The following AZIN1 variants were observed in gnomAD, a reference collection of about 807,000 sequenced individuals.
The protein encoded by AZIN1 is antizyme inhibitor 1.
AZIN1 carries 12 observed loss-of-function variants against 47.4 expected under a neutral mutation model. That is an observed-to-expected ratio of 0.25 (90% confidence interval 0.16 to 0.41). The LOEUF is 0.41. Among genes scored for constraint, AZIN1 ranks in the 10% least tolerant of loss-of-function variants. The pLI, the probability that AZIN1 is intolerant of heterozygous loss-of-function variation, is 1.00. For synonymous variants in AZIN1, 155 were observed against 176.3 expected, an observed-to-expected ratio of 0.88 and a Z score of 0.96; for missense variants, 410 against 532.4, an observed-to-expected ratio of 0.77 and a Z score of 2.26.
At chr8:102,834,308 T>C (rs1186864848) in intron 7 of AZIN1, 45 bp from the exon 8 acceptor site, 2 of 1,497,812 alleles carry the variant, frequency 1.3e-6, no homozygotes, top group Non-Finnish European at 1.8e-6. Context: ...CAAATTGTAA[T>C]GGATATGAGA....
chr8:102,853,405 G>C (rs1813051974), intron 2 of AZIN1, among the ~76,000 whole-genome samples: 1 of 152,212 alleles, frequency 6.6e-6, no homozygotes, highest in African/African-American at 2.4e-5. Flanking sequence ...AGGACGCTGA[G>C]GCAGGAGAAT....
At chr8:102,831,996 C>T (rs1811493592) in intron 9 of AZIN1, among the ~76,000 whole-genome samples, 1 of 152,106 alleles carries the variant, frequency 6.6e-6, no homozygotes, top group Non-Finnish European at 1.5e-5. Context: ...TATCATGTGC[C>T]TCCTAACATG....
rs1279624922 is a variant in AZIN1, at chr8:102,841,798, ATAT to A, written c.102+1750_102+1752del. Among the ~76,000 whole-genome samples, 6 of 106,658 alleles carry A rather than the reference ATAT, an allele frequency of 5.6e-5. 1 individual carries two copies. The highest frequency in any genetic ancestry group is 1.2e-4 in the Non-Finnish European group (6 of 51,572). The allele number at this position is 106,658 out of a possible 152,430, so 70.0% of individuals were successfully genotyped here. A position where few individuals can be genotyped will look rare whatever the true frequency, so the allele number is the denominator to read the frequency against. On this transcript the variant is annotated intron_variant, in intron 3 of 11. Coordinates refer to ENST00000337198, the MANE Select transcript of AZIN1 (RefSeq NM_148174.4). ...ATTGTATCAGTTAAGTCTAATATAT[ATAT>A]ATATAAAAAAAAAAAAAAAAAAGAC...
At position 102,839,738 on chromosome 8, in the gene AZIN1, T is replaced by C; in HGVS notation, c.188A>G (p.Lys63Arg). Residue 63 changes from lysine (K) to arginine (R), a missense_variant, in exon 4 of 12, where the codon AAG (lysine) becomes AGG (arginine). This residue lies in a region of AZIN1 where 237 missense variants were observed against 309.4 expected (regional missense o/e 0.77). Transcript: ENST00000337198. ...GTTGCACTTCACTGTGTAGAATGGC[T>C]TTATCTGAGCCACTACATTCTGCCA... The part of the protein sequence containing the change: ...SQWQNVVAQI[K>R]PFYTVKCNSA... The C allele has an allele frequency of 6.2e-7, 1 of 1,610,286 alleles. No homozygotes were observed. Among genetic ancestry groups the C allele is most frequent in the Non-Finnish European group, 8.5e-7 (1 of 1,177,992 alleles).
chr8:102,836,642 G>C, intron 5 of AZIN1: 3 of 412,528 alleles, frequency 7.3e-6, no homozygotes, highest in Non-Finnish European at 1.3e-5. Context: ...GTAGCATCAA[G>C]AGTTGGTTGG....
At chr8:102,838,348 AG>A (rs1242932718) in intron 5 of AZIN1, among the ~76,000 whole-genome samples, 5 of 152,216 alleles carry the variant, frequency 3.3e-5, no homozygotes, top group Non-Finnish European at 5.9e-5. Context: ...ACTATGGCCT[AG>A]GGTAGATTAA....
intron 2 of AZIN1, among the ~76,000 whole-genome samples, chr8:102,856,610 C>T (rs1019388100): frequency 3.3e-5 from 5 of 152,190 alleles, no homozygotes; most frequent in Admixed American, 6.5e-5. Flanking sequence ...TCTTTTATTA[C>T]GGTCTTCCTC....
chr8:102,829,158 G>C (rs551302716), intron 11 of AZIN1, 114 bp downstream of exon 11: 1 of 886,154 alleles, frequency 1.1e-6, no homozygotes, highest in African/African-American at 1.7e-5. Context: ...ACACTGTATA[G>C]GCAATACATG....
intron 5 of AZIN1, chr8:102,836,638 T>C (rs1811841551): frequency 4.7e-6 from 2 of 426,172 alleles, no homozygotes; most frequent in African/African-American, 4.1e-5. Context: ...TGTTGTAGCA[T>C]CAAGAGTTGG....
At chr8:102,830,862 TAG>T (rs1811410741) in intron 9 of AZIN1, among the ~76,000 whole-genome samples, 1 of 152,128 alleles carries the variant, frequency 6.6e-6, no homozygotes, top group Admixed American at 6.6e-5. Context: ...TGTGTGTGTG[TAG>T]AGACAGGGCC....
At chr8:102,833,323 C>G in intron 8 of AZIN1, 105 bp from the exon 9 acceptor site, 1 of 1,051,876 alleles carries the variant, frequency 9.5e-7, no homozygotes, top group Non-Finnish European at 1.4e-6. Context: ...GAAGCAGTTC[C>G]AATCACAGAT....
rs34428083 is a variant in AZIN1, at chr8:102,844,634, TAAAA to T, written c.-95-891_-95-888del. ...TAATTATTTCTTCAACAGGTTGTTG[TAAAA>T]AAAAAAAAAAATCATAGAGCATATA... On this transcript the variant is annotated intron_variant, in intron 2 of 11. Coordinates refer to ENST00000337198, the MANE Select transcript of AZIN1 (RefSeq NM_148174.4). Among the ~76,000 whole-genome samples, 718 of 146,368 alleles carry T rather than the reference TAAAA, an allele frequency of 4.9e-3. 7 individuals carry two copies. Among genetic ancestry groups the T allele is most frequent in the African/African-American group, 0.017 (690 of 39,936 alleles).
intron 1 of AZIN1, among the ~76,000 whole-genome samples, chr8:102,861,736 G>A (rs1038486308): frequency 2.0e-5 from 3 of 151,616 alleles, no homozygotes; most frequent in Non-Finnish European, 4.4e-5. Context: ...AATAATCTAT[G>A]GGTTTAAAAA....
At chr8:102,849,897 C>T in intron 2 of AZIN1, 1 of 152,142 alleles carries the variant, frequency 6.6e-6, no homozygotes, top group Non-Finnish European at 1.5e-5. Context: ...CCACACACTG[C>T]TCCCTGGAGC....
At chr8:102,855,889 T>C (rs1023672342) in intron 2 of AZIN1, 3 of 152,198 alleles carry the variant, frequency 2.0e-5, no homozygotes, top group Non-Finnish European at 4.4e-5. Context: ...CTAGGTATCT[T>C]TGTGAATTCA....
In AZIN1 at chr8:102,850,791, G is replaced by A. The variant is rs190588923; in HGVS notation, c.-95-7044C>T. On this transcript the variant is annotated intron_variant, in intron 2 of 11. Transcript: ENST00000337198. ...AGGTTGAAAAAACTGAGTAACCTTAGAGGAAGAAGACTAAAGGTGACTGCT... is the reference window on the plus strand; with the variant it reads ...AGGTTGAAAAAACTGAGTAACCTTAAAGGAAGAAGACTAAAGGTGACTGCT... Among the ~76,000 whole-genome samples the A allele has an allele frequency of 7.3e-4, 111 of 152,202 alleles. 2 individuals are homozygous for A. In the East Asian group the frequency reaches 0.02, roughly 28 times the overall value.
At chr8:102,842,718 C>A (rs1199973788) in intron 3 of AZIN1, among the ~76,000 whole-genome samples, 3 of 135,380 alleles carry the variant, frequency 2.2e-5, no homozygotes, top group Non-Finnish European at 3.2e-5. Context: ...AAAAAAAAAA[C>A]AAAAAACAAA....
At chr8:102,848,323 CA>C (rs60663839) in intron 2 of AZIN1, among the ~76,000 whole-genome samples, 2,172 of 91,532 alleles carry the variant, frequency 0.024, 11 homozygotes, top group African/African-American at 0.032. Flanking sequence ...ACTAAAAGGC[CA>C]AAAAAAAAAA....
At position 102,847,366 on chromosome 8, in the gene AZIN1, AAAAC is replaced by A. The variant is rs1175988285; in HGVS notation, c.-95-3623_-95-3620del. On this transcript the variant is annotated intron_variant, in intron 2 of 11. Transcript: ENST00000337198. ...CCCATCTCTTAAAAAAAAAAAAAAA[AAAAC>A]AATAAAGCTCTAATGGAGGTTTATT... 3.2e-4 allele frequency among the ~76,000 whole-genome samples: 47 copies of A among 146,376 alleles called. 1 individual carries two copies. The East Asian group carries it at 5.5e-3, about 17-fold the overall frequency.
Sources: allele counts gnomAD v4.1 joint callset (sites outside exome capture counted in the v4.1 genomes callset), GRCh38; gene constraint gnomAD v4.1.1; regional missense constraint gnomAD v4.1.1; transcripts MANE v1.5; gene names NCBI Gene and HGNC (gene_info 2026-07-23, HGNC 2026-07-21).